EXD2: variants seen among roughly 807,000 people sequenced by gnomAD.
EXD2 encodes the protein exonuclease 3'-5' domain containing 2, also known as exonuclease 3'-5' domain-containing protein 2.
In EXD2, 40 loss-of-function variants were observed where a neutral mutation model predicts 62.5. The observed-to-expected ratio is 0.64, with a 90% confidence interval of 0.50 to 0.83. EXD2 has a LOEUF of 0.83. EXD2 is among the 40% of genes least tolerant of loss of function. EXD2 has a pLI of 0.00. For missense variants in EXD2, 671 were observed against 761.8 expected (o/e 0.88, Z 1.40); for synonymous variants, 239 against 291.9 (o/e 0.82, Z 1.85).
At chr14:69,198,642 A>G (rs1349474987) in intron 1 of EXD2, among the ~76,000 whole-genome samples, 1 of 152,230 alleles carries the variant, frequency 6.6e-6, no homozygotes, top group African/African-American at 2.4e-5. Flanking sequence ...GCCCCAATTT[A>G]AAATTTTCTA....
chr14:69,197,912 G>T (rs2042261324), intron 1 of EXD2, among the ~76,000 whole-genome samples: 1 of 152,112 alleles, frequency 6.6e-6, no homozygotes, highest in South Asian at 2.1e-4. Context: ...TTATTGAAAG[G>T]ATTAAATGAA....
chr14:69,214,826 C>T (rs960292122), intron 3 of EXD2, among the ~76,000 whole-genome samples: 2 of 152,170 alleles, frequency 1.3e-5, no homozygotes, highest in South Asian at 2.1e-4. Context: ...AATGAATCAT[C>T]GAGTATGTGC....
At chr14:69,196,622 CTTTTT>C (rs3045582) in intron 1 of EXD2, among the ~76,000 whole-genome samples, 4 of 136,802 alleles carry the variant, frequency 2.9e-5, no homozygotes, top group Non-Finnish European at 6.2e-5. Flanking sequence ...ATTGCCAGCA[CTTTTT>C]TTTTTTTTTT....
rs1169456993 is a variant in EXD2, at chr14:69,241,306, G to A, written c.*206G>A. The A allele has an allele frequency of 5.7e-6, 3 of 528,006 alleles. No individual in the cohort carries two copies. The highest frequency in any genetic ancestry group is 1.0e-5 in the Non-Finnish European group (3 of 300,702). 32.7% of individuals were successfully genotyped at this position (528,006 alleles called of 1,614,324 possible). On this transcript the variant is annotated 3_prime_UTR_variant, in exon 10 of 10. Coordinates refer to ENST00000685843, the MANE Select transcript of EXD2 (RefSeq NM_001193360.2). ...TGGTTTTGGATTTTAAACGGGCAGGGTCTTTTTTCCTCTCATTTTTGTGGA... is the reference window on the plus strand; with the variant it reads ...TGGTTTTGGATTTTAAACGGGCAGGATCTTTTTTCCTCTCATTTTTGTGGA...
chr14:69,240,211 C>T (rs1395729635), intron 9 of EXD2, among the ~76,000 whole-genome samples: 2 of 151,994 alleles, frequency 1.3e-5, no homozygotes, highest in Admixed American at 6.5e-5. Flanking sequence ...CATCTTTATT[C>T]ACAGGAGGTG....
chr14:69,209,527 AG>A lies in EXD2; in HGVS notation c.63del (p.Phe22LeufsTer18), dbSNP rs1466798574. The A allele has an allele frequency of 6.4e-7, 1 of 1,550,414 alleles. No individual in the cohort carries two copies. Among genetic ancestry groups the A allele is most frequent in the Admixed American group, 2.0e-5 (1 of 50,932 alleles). ...TVTTLLGVAVGGFVLWKGIQR... is the reference protein window; with the variant it reads ...TVTTLLGVAVXGFVLWKGIQR... ...TGACTACCCTTCTGGGTGTGGCTGT[AG>A]GGGGGTTTGTCCTCTGGAAAGGCAT... On this transcript the variant is annotated frameshift_variant, in exon 3 of 10. Coordinates refer to ENST00000685843, the MANE Select transcript of EXD2 (RefSeq NM_001193360.2). LOFTEE classifies it high-confidence loss of function.
chr14:69,217,480 CATT>C (rs1227992666), intron 3 of EXD2, among the ~76,000 whole-genome samples: 2 of 152,000 alleles, frequency 1.3e-5, no homozygotes, highest in Admixed American at 6.5e-5. Flanking sequence ...GACAAGATTT[CATT>C]ATTTTTTATG....
intron 3 of EXD2, among the ~76,000 whole-genome samples, chr14:69,213,084 CTTTTTT>C (rs71102636): frequency 7.9e-6 from 1 of 126,606 alleles, no homozygotes; most frequent in African/African-American, 2.9e-5. Flanking sequence ...TTCTTCTTTT[CTTTTTT>C]TTTTTTTTTT....
Position 69,234,918 on chromosome 14 carries a change from G to C in EXD2, c.936G>C (p.Gln312His). 6.2e-7 allele frequency: 1 copy of C among 1,614,134 alleles called. No homozygotes were observed. The highest frequency in any genetic ancestry group is 8.5e-7 in the Non-Finnish European group (1 of 1,180,010). ...TTAATGGGGAAGCAACAGAATCTCAGCAGAAGCCAAGAAATAAGAAGTCTA... is the reference window on the plus strand; with the variant it reads ...TTAATGGGGAAGCAACAGAATCTCACCAGAAGCCAAGAAATAAGAAGTCTA... ...EEVNGEATES[Q>H]QKPRNKKSKM... The change falls in exon 6 of 10, where the codon CAG becomes CAC. Residue 312 changes from glutamine to histidine, a missense_variant. By Grantham distance (24) the Gln-to-His change is conservative (BLOSUM62 0). Coordinates refer to ENST00000685843, the MANE Select transcript of EXD2 (RefSeq NM_001193360.2).
intron 3 of EXD2, among the ~76,000 whole-genome samples, chr14:69,212,464 T>G (rs1245861836): frequency 1.3e-5 from 2 of 152,052 alleles, no homozygotes; most frequent in Non-Finnish European, 2.9e-5. Flanking sequence ...GCTTTCCTTT[T>G]CATTCACTTT....
chr14:69,196,745 T>A (rs949210646), intron 1 of EXD2, among the ~76,000 whole-genome samples: 1 of 151,510 alleles, frequency 6.6e-6, no homozygotes, highest in African/African-American at 2.4e-5. Flanking sequence ...TGCCTCAGCC[T>A]CCCAAGTAGC....
intron 1 of EXD2, among the ~76,000 whole-genome samples, chr14:69,195,598 A>G (rs2042178273): frequency 6.6e-6 from 1 of 152,184 alleles, no homozygotes; most frequent in Admixed American, 6.5e-5. Flanking sequence ...AGAGTCGTGC[A>G]AACATCACCG....
chr14:69,219,279 G>A (rs1387484913), intron 3 of EXD2, among the ~76,000 whole-genome samples: 3 of 152,154 alleles, frequency 2.0e-5, no homozygotes, highest in African/African-American at 7.2e-5. Context: ...AATTGTGAAT[G>A]GGAGTTCACT....
chr14:69,215,747 C>T (rs1239365519), intron 3 of EXD2, among the ~76,000 whole-genome samples: 2 of 150,326 alleles, frequency 1.3e-5, no homozygotes, highest in Non-Finnish European at 3.0e-5. Context: ...AATTGAACAT[C>T]TTTTTGTATT....
chr14:69,199,615 C>G (rs2042322241), intron 1 of EXD2, among the ~76,000 whole-genome samples: 1 of 147,796 alleles, frequency 6.8e-6, no homozygotes, highest in South Asian at 2.1e-4. Flanking sequence ...TTTTTTTTAC[C>G]TTTTTAAACT....
At chr14:69,206,191 G>T (rs1395827574) in intron 2 of EXD2, among the ~76,000 whole-genome samples, 1 of 152,050 alleles carries the variant, frequency 6.6e-6, no homozygotes, top group East Asian at 1.9e-4. Context: ...AAAGTGCTGG[G>T]ATTACAGGTG....
intron 3 of EXD2, among the ~76,000 whole-genome samples, chr14:69,217,120 A>G (rs1566827167): frequency 6.6e-6 from 1 of 152,120 alleles, no homozygotes; most frequent in Non-Finnish European, 1.5e-5. Flanking sequence ...TGGCGTGATC[A>G]TAACTCACTA....
At chr14:69,240,767 AC>A in intron 9 of EXD2, 116 bp from the exon 10 acceptor site, 1 of 756,452 alleles carries the variant, frequency 1.3e-6, no homozygotes, top group East Asian at 2.7e-5. Flanking sequence ...AAAGTAACTA[AC>A]CCTTTAGGAG....
intron 1 of EXD2, among the ~76,000 whole-genome samples, chr14:69,202,592 T>C (rs146397921): frequency 6.6e-6 from 1 of 152,200 alleles, no homozygotes; most frequent in East Asian, 1.9e-4. Flanking sequence ...ACTTATATAA[T>C]GTGTTGTGTA....
Sources: gnomAD v4.1 joint callset for allele counts (sites outside exome capture counted in the v4.1 genomes callset) on GRCh38, gnomAD v4.1.1 for gene constraint, MANE v1.5 for transcripts, NCBI Gene and HGNC (gene_info 2026-07-23, HGNC 2026-07-21) for gene names.